The following NUCB1 variants were observed in gnomAD, a reference collection of about 807,000 sequenced individuals.
NUCB1 encodes nucleobindin-1.
A neutral mutation model predicts 61.2 loss-of-function variants in NUCB1; 47 were observed. The observed-to-expected ratio is 0.77, with a 90% CI of 0.61 to 0.98. The LOEUF is 0.98. NUCB1 is among the 50% of genes least tolerant of loss of function. NUCB1 has a pLI of 0.00. For synonymous variants in NUCB1, 234 were observed against 243.1 expected, an observed-to-expected ratio of 0.96 and a Z score of 0.35; for missense variants, 583 against 605.3, an observed-to-expected ratio of 0.96 and a Z score of 0.39.
chr19:48,911,333 C>G, intron 5 of NUCB1, 81 bp downstream of exon 5: 1 of 921,270 alleles, frequency 1.1e-6, no homozygotes, highest in Non-Finnish European at 1.8e-6. Context: ...CAGACGTGAG[C>G]CAGCTCACCA....
chr19:48,917,645 T>C (rs1245684922), intron 7 of NUCB1, among the ~76,000 whole-genome samples: 2 of 152,098 alleles, frequency 1.3e-5, no homozygotes, highest in Non-Finnish European at 2.9e-5. Context: ...TACAGGCACT[T>C]GGCATTATGC....
intron 2 of NUCB1, among the ~76,000 whole-genome samples, chr19:48,903,890 GTGGA>G (rs1477786744): frequency 8.2e-6 from 1 of 121,780 alleles, no homozygotes; most frequent in Non-Finnish European, 1.7e-5. Flanking sequence ...GGATGGGTGG[GTGGA>G]TGGATGGATG....
chr19:48,911,097 G>A (rs538587705), intron 4 of NUCB1, 52 bp from the exon 5 acceptor site: 6 of 1,333,212 alleles, frequency 4.5e-6, no homozygotes, highest in Non-Finnish European at 6.4e-6. Flanking sequence ...GCCCAAGATG[G>A]GGGTTCTGAA....
intron 5 of NUCB1, among the ~76,000 whole-genome samples, chr19:48,912,604 C>G (rs10413142): frequency 0.29 from 43,539 of 151,808 alleles, 8,143 homozygotes; most frequent in African/African-American, 0.54. Flanking sequence ...GGGAGGCTGA[C>G]GTGGGCGGAT....
chr19:48,918,181 G>A (rs529585490), intron 7 of NUCB1, among the ~76,000 whole-genome samples: 46 of 152,234 alleles, frequency 3.0e-4, no homozygotes, highest in African/African-American at 9.6e-4. Context: ...GTCAGATGCA[G>A]GTGGAAATTA....
In NUCB1 at chr19:48,919,305, C is replaced by T. The variant is rs148478259; in HGVS notation, c.1002+19C>T. 5.9e-3 allele frequency: 9,289 copies of T among 1,580,618 alleles called. 46 individuals are homozygous for T. Among genetic ancestry groups the T allele is most frequent in the Non-Finnish European group, 7.4e-3 (8,504 of 1,150,148 alleles). On this transcript the variant is annotated intron_variant, in intron 10 of 12. Transcript: ENST00000405315. The stretch of plus-strand genomic sequence containing the variant: ...CTGGGAGGTGAGAACATGGGGGATA[C>T]TCGGGGTCCTGAACCTCTCTCTCTT...
At chr19:48,907,666 GA>G (rs770904250) in intron 4 of NUCB1, among the ~76,000 whole-genome samples, 99 of 152,292 alleles carry the variant, frequency 6.5e-4, no homozygotes, top group Middle Eastern at 3.4e-3. Flanking sequence ...TCAGGATGTG[GA>G]TATCTTTTAG....
At chr19:48,922,034 T>C in intron 12 of NUCB1, 102 bp downstream of exon 12, 1 of 910,196 alleles carries the variant, frequency 1.1e-6, no homozygotes, top group African/African-American at 1.7e-5. Context: ...GAAGAGGGAC[T>C]GGGGGCCCAG....
At chr19:48,921,446 A>G in intron 11 of NUCB1, 122 bp downstream of exon 11, 1 of 1,118,428 alleles carries the variant, frequency 8.9e-7, no homozygotes, top group Non-Finnish European at 1.3e-6. Flanking sequence ...GGGAGCCTCA[A>G]GTATTCACCG....
Position 48,921,895 on chromosome 19 carries a change from C to T in NUCB1, c.1242C>T (p.Ala414=), listed in dbSNP as rs1266362894. ...AGCAAGGCCACAAGGCCCCGGCTGC[C>T]CACCCTGAGGGGCAGCTCAAGTTCC... ...QQQQGHKAPA[A]HPEGQLKFHP... The change falls in exon 12 of 13, where the codon GCC becomes GCT. Residue 414 remains alanine, a synonymous_variant. Transcript: ENST00000405315. The T allele has an allele frequency of 1.2e-6, 2 of 1,611,434 alleles. No individual in the cohort carries two copies. Among genetic ancestry groups the T allele is most frequent in the Non-Finnish European group, 1.7e-6 (2 of 1,179,322 alleles).
intron 7 of NUCB1, among the ~76,000 whole-genome samples, chr19:48,915,057 G>T (rs2122194899): frequency 6.6e-6 from 1 of 152,074 alleles, no homozygotes; most frequent in Middle Eastern, 3.4e-3. Context: ...TGCAGCCTGG[G>T]TGACAGAGCA....
At position 48,918,682 on chromosome 19, in the gene NUCB1, C is replaced by T. The variant is rs761404047; in HGVS notation, c.758-44C>T. 2.6e-6 allele frequency: 4 copies of T among 1,538,378 alleles called. No individual in the cohort carries two copies. In the South Asian group the frequency reaches 3.4e-5, roughly 13 times the overall value. On this transcript the variant is annotated intron_variant, in intron 7 of 12. Transcript: ENST00000405315. ...TCTTCACCAGGGACCTTACACATCC[C>T]GTCCTCGGTCCCCTGAGATACCTTG... is the stretch of plus-strand genomic sequence containing the variant.
chr19:48,906,680 G>A (rs1013812945), intron 4 of NUCB1, among the ~76,000 whole-genome samples: 3 of 151,818 alleles, frequency 2.0e-5, no homozygotes, highest in South Asian at 2.1e-4. Context: ...CCATGACTGC[G>A]CCACTGTACT....
At chr19:48,905,909 GACA>G in intron 4 of NUCB1, 24 bp downstream of exon 4, 1 of 496,800 alleles carries the variant, frequency 2.0e-6, no homozygotes, top group Non-Finnish European at 4.0e-6. Context: ...GGGCGGGAGG[GACA>G]GGCAGGGAGG....
intron 4 of NUCB1, among the ~76,000 whole-genome samples, chr19:48,910,555 G>A (rs959889596): frequency 6.6e-6 from 1 of 151,908 alleles, no homozygotes; most frequent in Admixed American, 6.6e-5. Context: ...AGCCGAGTGT[G>A]GTGGCATGCA....
At position 48,922,595 on chromosome 19, in the gene NUCB1, A is replaced by G; in HGVS notation, c.*171A>G. On this transcript the variant is annotated 3_prime_UTR_variant, in exon 13 of 13. Transcript: ENST00000405315. ...TGCCACCCCAGGTCCACCTGTCTCC[A>G]CTTTCACAGCCTCCAAGTCTGTGGC... 1 of 599,028 alleles carries G rather than the reference A, an allele frequency of 1.7e-6. No homozygotes were observed. Among genetic ancestry groups the G allele is most frequent in the South Asian group, 1.9e-5 (1 of 52,642 alleles). 37.1% of individuals were successfully genotyped at this position (599,028 alleles called of 1,614,324 possible).
intron 6 of NUCB1, 128 bp downstream of exon 6, chr19:48,913,324 G>C (rs947881705): frequency 9.9e-6 from 12 of 1,213,872 alleles, no homozygotes; most frequent in Middle Eastern, 2.0e-4. Flanking sequence ...ACTGTACCTG[G>C]CTGCCCCAGG....
chr19:48,916,483 G>C (rs1236929799), intron 7 of NUCB1, among the ~76,000 whole-genome samples: 1 of 152,014 alleles, frequency 6.6e-6, no homozygotes, highest in African/African-American at 2.4e-5. Context: ...AGCTGGGTGT[G>C]GTGGCGTGCA....
intron 2 of NUCB1, among the ~76,000 whole-genome samples, chr19:48,902,420 C>CTTTTTTTTTTTTT (rs58758940): frequency 1.5e-5 from 2 of 130,030 alleles, no homozygotes; most frequent in Admixed American, 8.0e-5. Flanking sequence ...TTTCCTTTTT[C>CTTTTTTTTTTTTT]TTTTTTTTTT....
Sources: allele counts gnomAD v4.1 joint callset (sites outside exome capture counted in the v4.1 genomes callset), GRCh38; gene constraint gnomAD v4.1.1; transcripts MANE v1.5; gene names NCBI Gene and HGNC (gene_info 2026-07-23, HGNC 2026-07-21).